Variants in PRKN observed in about 807,000 individuals in gnomAD.
PRKN encodes the protein parkin RBR E3 ubiquitin protein ligase.
In PRKN, 56 loss-of-function variants were observed where a neutral mutation model predicts 59.5. The ratio of observed to expected loss-of-function variants is 0.94; its 90% CI spans 0.76 to 1.18. The LOEUF (loss-of-function observed/expected upper bound fraction) is 1.18. Ranked by LOEUF, PRKN falls within the 50% of genes most tolerant of loss-of-function variation. PRKN has a pLI of 0.00. For missense variants in PRKN, 657 were observed against 596.4 expected (o/e 1.10, Z -1.06); for synonymous variants, 250 against 222.1 (o/e 1.13, Z -1.12).
At position 161,527,334 on chromosome 6, in the gene PRKN, G is replaced by C. The variant is rs754021214; in HGVS notation, c.1083+21520C>G. 6.6e-6 allele frequency among the ~76,000 whole-genome samples: 1 copy of C among 152,178 alleles called. No homozygotes were observed. The highest frequency in any genetic ancestry group is 2.4e-5 in the African/African-American group (1 of 41,440). On this transcript the variant is annotated intron_variant, in intron 9 of 11. Coordinates refer to ENST00000366898, the MANE Select transcript of PRKN (RefSeq NM_004562.3). The surrounding 1 kb of genome is among the most constrained non-coding windows in gnomAD (Gnocchi z 4.6). ...GGGTGAAGTGTCTTGAGCCCCAACG[G>C]CATCAAGTATGAACTTGGAGCCAGG...
intron 3 of PRKN, among the ~76,000 whole-genome samples, chr6:162,253,339 C>T (rs1283543345): frequency 1.3e-5 from 2 of 149,876 alleles, no homozygotes; most frequent in East Asian, 2.0e-4. Context: ...TAATAAGCAG[C>T]AATCATACAA....
intron 2 of PRKN, among the ~76,000 whole-genome samples, chr6:162,364,722 C>G (rs1272606199): frequency 6.6e-6 from 1 of 152,036 alleles, no homozygotes; most frequent in Non-Finnish European, 1.5e-5. Flanking sequence ...AATGGCTGCA[C>G]AACTGACATG....
chr6:161,548,805 G>A lies in PRKN; in HGVS notation c.1083+49C>T. 1 of 1,570,256 alleles carries A rather than the reference G, an allele frequency of 6.4e-7. No individual in the cohort carries two copies. The highest frequency in any genetic ancestry group is 8.7e-7 in the Non-Finnish European group (1 of 1,143,740). On this transcript the variant is annotated intron_variant, in intron 9 of 11. Transcript: ENST00000366898. The surrounding 1 kb of genome is among the most constrained non-coding windows in gnomAD (Gnocchi z 4.2). Reference sequence around the variant, plus strand: ...ATATAATCCCAGCCCATGTGCAAAAGCAAACAAGGACAGGAACACACCGCT... The same window carrying A: ...ATATAATCCCAGCCCATGTGCAAAAACAAACAAGGACAGGAACACACCGCT...
intron 3 of PRKN, among the ~76,000 whole-genome samples, chr6:162,261,243 T>C (rs570298079): frequency 3.1e-4 from 47 of 152,302 alleles, no homozygotes; most frequent in African/African-American, 1.0e-3. Context: ...TTGGTAGATA[T>C]AAATTTCCCT....
Position 161,395,135 on chromosome 6 carries a change from C to T in PRKN, c.1084-8258G>A, listed in dbSNP as rs113983650. ...AGCTTCCCAGAGACAATCACTGTCA[C>T]CTGTTTGTATAGGTATTGTTCCAGA... On this transcript the variant is annotated intron_variant, in intron 9 of 11. Transcript: ENST00000366898. The surrounding 1 kb of genome is among the most constrained non-coding windows in gnomAD (Gnocchi z 5.0). 2.3e-3 allele frequency among the ~76,000 whole-genome samples: 350 copies of T among 152,248 alleles called. No individual in the cohort carries two copies. The highest frequency in any genetic ancestry group is 8.1e-3 in the African/African-American group (338 of 41,534).
intron 6 of PRKN, among the ~76,000 whole-genome samples, chr6:161,846,905 T>C (rs898537718): frequency 1.3e-5 from 2 of 152,148 alleles, no homozygotes; most frequent in Non-Finnish European, 2.9e-5. Flanking sequence ...CACTGTACCA[T>C]GAGGAGATGA....
chr6:162,214,974 T>C (rs1450473061), intron 3 of PRKN, among the ~76,000 whole-genome samples: 1 of 152,176 alleles, frequency 6.6e-6, no homozygotes, highest in East Asian at 1.9e-4. Flanking sequence ...TTCTTCCTCA[T>C]CCTTTATCCC....
intron 1 of PRKN, among the ~76,000 whole-genome samples, chr6:162,718,670 G>T (rs1778816606): frequency 6.6e-6 from 1 of 151,582 alleles, no homozygotes; most frequent in South Asian, 2.1e-4. Flanking sequence ...CCGCGATCAC[G>T]CCACTGCACT....
At chr6:161,887,629 A>C (rs1210309664) in intron 6 of PRKN, among the ~76,000 whole-genome samples, 1 of 110,266 alleles carries the variant, frequency 9.1e-6, no homozygotes, top group Non-Finnish European at 1.8e-5. Flanking sequence ...CTAATGTATT[A>C]ATACAAATAT....
At chr6:162,026,388 C>T (rs1416090203) in intron 5 of PRKN, among the ~76,000 whole-genome samples, 2 of 152,220 alleles carry the variant, frequency 1.3e-5, no homozygotes, top group African/African-American at 4.8e-5. Context: ...GTCAACTCTC[C>T]TGGAAAGAAC....
chr6:162,725,424 G>A (rs1050993861), intron 1 of PRKN, among the ~76,000 whole-genome samples: 3 of 152,036 alleles, frequency 2.0e-5, no homozygotes, highest in East Asian at 1.9e-4. Context: ...CACTGTTCAC[G>A]ACACCCAAAT....
chr6:161,669,409 C>T (rs1362881886), intron 7 of PRKN, among the ~76,000 whole-genome samples: 1 of 152,338 alleles, frequency 6.6e-6, no homozygotes, highest in South Asian at 2.1e-4. Flanking sequence ...CCAGTCAGTG[C>T]CTCCCCTGCA....
chr6:162,591,209 C>G (rs1289550205), intron 1 of PRKN, among the ~76,000 whole-genome samples: 1 of 150,620 alleles, frequency 6.6e-6, no homozygotes, highest in African/African-American at 2.4e-5. Flanking sequence ...AATACACAGG[C>G]AGAATGATAC....
intron 4 of PRKN, among the ~76,000 whole-genome samples, chr6:162,173,307 C>T (rs1783373959): frequency 6.6e-6 from 1 of 152,142 alleles, no homozygotes; most frequent in South Asian, 2.1e-4. Flanking sequence ...CAGTCAGCAT[C>T]TCCACGGACC....
At chr6:162,381,712 C>A (rs2272786) in intron 2 of PRKN, among the ~76,000 whole-genome samples, 9,493 of 152,230 alleles carry the variant, frequency 0.062, 644 homozygotes, top group East Asian at 0.36. Flanking sequence ...ATGTTTTTAC[C>A]ATTACGCACT....
At chr6:161,849,838 G>A (rs148201013) in intron 6 of PRKN, among the ~76,000 whole-genome samples, 2,511 of 152,276 alleles carry the variant, frequency 0.016, 74 homozygotes, top group African/African-American at 0.058. Flanking sequence ...GTCCTGATGT[G>A]CTTGGAACAG....
In PRKN at chr6:161,373,427, G is replaced by T. The variant is rs1196603268; in HGVS notation, c.1168-13222C>A. Among the ~76,000 whole-genome samples, 1 of 152,062 alleles carries T rather than the reference G, an allele frequency of 6.6e-6. No homozygotes were observed. The highest frequency in any genetic ancestry group is 1.5e-5 in the Non-Finnish European group (1 of 68,026). ...TGTCTTGGATTCCTCAGACACGGGT[G>T]GGAACACCTAGTCCTTGCTGAAAGA... On this transcript the variant is annotated intron_variant, in intron 10 of 11. Transcript: ENST00000366898. The surrounding 1 kb of genome is among the most constrained non-coding windows in gnomAD (Gnocchi z 4.8).
At chr6:162,523,774 C>T (rs1036019380) in intron 1 of PRKN, among the ~76,000 whole-genome samples, 5 of 151,840 alleles carry the variant, frequency 3.3e-5, no homozygotes, top group East Asian at 3.9e-4. Context: ...CCCAGCACTT[C>T]GGGAGGCTGA....
In PRKN at chr6:161,533,991, C is replaced by G. The variant is rs570283245; in HGVS notation, c.1083+14863G>C. On this transcript the variant is annotated intron_variant, in intron 9 of 11. Coordinates refer to ENST00000366898, the MANE Select transcript of PRKN (RefSeq NM_004562.3). The surrounding 1 kb of genome is among the most constrained non-coding windows in gnomAD (Gnocchi z 4.1). ...GTGACTTCAGTGAACCCCCTTTCCA[C>G]CTGTCCTCCTCGCCCTCACACTAGA... 2.0e-5 allele frequency among the ~76,000 whole-genome samples: 3 copies of G among 152,114 alleles called. No individual in the cohort carries two copies. The highest frequency in any genetic ancestry group is 1.3e-4 in the Admixed American group (2 of 15,270).
Sources: allele counts gnomAD v4.1 joint callset (sites outside exome capture counted in the v4.1 genomes callset), GRCh38; gene constraint gnomAD v4.1.1; non-coding constraint Gnocchi (gnomAD v3.1); transcripts MANE v1.5; gene names NCBI Gene and HGNC (gene_info 2026-07-23, HGNC 2026-07-21).